Variants in PCDHGB3 observed in about 807,000 individuals in gnomAD.
PCDHGB3 encodes the protein protocadherin gamma-B3.
A neutral mutation model predicts 59.2 loss-of-function variants in PCDHGB3; 40 were observed. The ratio of observed to expected loss-of-function variants is 0.68; its 90% confidence interval spans 0.52 to 0.88. The LOEUF (loss-of-function observed/expected upper bound fraction) is 0.88, where lower values mean the gene tolerates loss of function less well. Ranked by LOEUF, PCDHGB3 falls within the 40% of genes least tolerant of loss-of-function variation. PCDHGB3 has a pLI of 0.00. For missense variants in PCDHGB3, 1,309 were observed against 1,187.9 expected (o/e 1.10, Z -1.50); for synonymous variants, 581 against 503.6 (o/e 1.15, Z -2.06).
In PCDHGB3 at chr5:141,370,468, T is replaced by C; in HGVS notation, c.74T>C (p.Leu25Ser). Reference protein sequence around the residue: ...RMLFLFLLSLLDQALSEPIRY... With the variant: ...RMLFLFLLSLSDQALSEPIRY... ...CTATTTCTCTTCCTGCTCTCTTTGT[T>C]AGACCAGGCTCTCTCCGAACCGATC... Residue 25 changes from leucine to serine, a missense_variant, in exon 1 of 4, where the codon TTA (leucine) becomes TCA (serine). Leu to Ser is a moderately radical substitution (Grantham distance 145). Coordinates refer to ENST00000576222, the MANE Select transcript of PCDHGB3 (RefSeq NM_018924.5). 1 of 1,613,240 alleles carries C rather than the reference T, an allele frequency of 6.2e-7. No individual in the cohort carries two copies.
intron 1 of PCDHGB3, among the ~76,000 whole-genome samples, chr5:141,469,599 A>G (rs2099206392): frequency 6.6e-6 from 1 of 152,192 alleles, no homozygotes; most frequent in Non-Finnish European, 1.5e-5. Flanking sequence ...ATAAAACAAA[A>G]TAAGTAAAAT....
intron 1 of PCDHGB3, among the ~76,000 whole-genome samples, chr5:141,466,554 G>A (rs2099125028): frequency 6.6e-6 from 1 of 152,068 alleles, no homozygotes. Flanking sequence ...TTTGCTGTGG[G>A]CTTCATCTTC....
At chr5:141,424,772 G>A (rs2096839878) in intron 1 of PCDHGB3, 1 of 152,086 alleles carries the variant, frequency 6.6e-6, no homozygotes, top group Non-Finnish European at 1.5e-5. Flanking sequence ...ATGGCAAATA[G>A]TACATTCAGT....
rs2099611311 is a variant in PCDHGB3 at position 141,485,311 on chromosome 5, G to A, written c.2416-9496G>A. 3.1e-6 allele frequency: 5 copies of A among 1,614,174 alleles called. No individual in the cohort carries two copies. The East Asian group carries it at 6.7e-5, about 22-fold the overall frequency. ...AGTCACAGGAAGGGACTTTTGTAGGGAATGTCGCTCAAGATTTCCTGCTGG... is the reference window on the plus strand; with the variant it reads ...AGTCACAGGAAGGGACTTTTGTAGGAAATGTCGCTCAAGATTTCCTGCTGG... On this transcript the variant is annotated intron_variant, in intron 1 of 3. Transcript: ENST00000576222. The surrounding 1 kb of genome is among the most constrained non-coding windows in gnomAD (Gnocchi z 5.7).
chr5:141,462,656 A>G (rs1427673992), intron 1 of PCDHGB3, among the ~76,000 whole-genome samples: 2 of 151,950 alleles, frequency 1.3e-5, no homozygotes, highest in African/African-American at 4.8e-5. Context: ...ATCCTCAATT[A>G]TCTTCATATT....
At chr5:141,402,737 G>C (rs948478466) in intron 1 of PCDHGB3, among the ~76,000 whole-genome samples, 7 of 152,158 alleles carry the variant, frequency 4.6e-5, no homozygotes, top group African/African-American at 1.4e-4. Flanking sequence ...CGCCGCTGTT[G>C]ATCAACTCTA....
At chr5:141,503,396 A>G (rs1025780031) in intron 2 of PCDHGB3, among the ~76,000 whole-genome samples, 2 of 151,944 alleles carry the variant, frequency 1.3e-5, no homozygotes, top group African/African-American at 2.4e-5. Flanking sequence ...GGAGTTCGAA[A>G]CCAACCTGGC....
In PCDHGB3 at chr5:141,398,596, G is replaced by A. The variant is rs201846904; in HGVS notation, c.2415+25787G>A. 1,173 of 1,614,034 alleles carry A rather than the reference G, an allele frequency of 7.3e-4. 1 individual carries two copies. Among genetic ancestry groups the A allele is most frequent in the Non-Finnish European group, 9.3e-4 (1,101 of 1,179,898 alleles). ...TGGCACAAGATTTATACTAGAAGTA[G>A]CAGAAGATGCAGATATTGGCTTAAA... is the stretch of plus-strand genomic sequence containing the variant. On this transcript the variant is annotated intron_variant, in intron 1 of 3. Transcript: ENST00000576222.
chr5:141,495,107 A>G (rs559621284), intron 2 of PCDHGB3, among the ~76,000 whole-genome samples: 1 of 152,166 alleles, frequency 6.6e-6, no homozygotes, highest in East Asian at 1.9e-4. Flanking sequence ...CACGACCGGC[A>G]CCTTTTCCTA....
intron 1 of PCDHGB3, chr5:141,414,230 C>G (rs367888906): frequency 6.2e-7 from 1 of 1,613,190 alleles, no homozygotes; most frequent in Non-Finnish European, 8.5e-7. Flanking sequence ...CCAGAGCTGA[C>G]CATCACGTCT....
Position 141,371,906 on chromosome 5 carries a change from C to G in PCDHGB3, c.1512C>G (p.Tyr504Ter). 6.2e-7 allele frequency: 1 copy of G among 1,613,406 alleles called. No homozygotes were observed. Among genetic ancestry groups the G allele is most frequent in the Non-Finnish European group, 8.5e-7 (1 of 1,179,912 alleles). ...SDLEPRELSS[Y>*]VSVSARSGVV... is the part of the protein sequence containing the mutation. ...TGGAGCCGCGGGAGCTGTCGTCCTA[C>G]GTGTCCGTGAGCGCGCGGAGCGGGG... Residue 504 changes from tyrosine to a stop codon, truncating the protein, a stop_gained, in exon 1 of 4, where the codon TAC becomes TAG. Transcript: ENST00000576222. LOFTEE classifies it high-confidence loss of function.
intron 1 of PCDHGB3, among the ~76,000 whole-genome samples, chr5:141,450,304 T>C (rs759506660): frequency 1.3e-5 from 2 of 151,906 alleles, no homozygotes; most frequent in African/African-American, 2.4e-5. Flanking sequence ...TGAGCCACCA[T>C]GTGTGGCCTA....
chr5:141,502,615 A>G (rs2099815317), intron 2 of PCDHGB3, among the ~76,000 whole-genome samples: 1 of 152,218 alleles, frequency 6.6e-6, no homozygotes, highest in Non-Finnish European at 1.5e-5. Context: ...TTGTGAAAAT[A>G]TAAGTAATCT....
intron 1 of PCDHGB3, among the ~76,000 whole-genome samples, chr5:141,481,556 G>T (rs553126587): frequency 6.6e-6 from 1 of 152,148 alleles, no homozygotes; most frequent in African/African-American, 2.4e-5. Flanking sequence ...AGTGGCTCAC[G>T]CCTGTAATCC....
In PCDHGB3 at chr5:141,490,261, G is replaced by T; in HGVS notation, c.2416-4546G>T. 6.2e-7 allele frequency: 1 copy of T among 1,614,218 alleles called. No individual in the cohort carries two copies. Among genetic ancestry groups the T allele is most frequent in the Non-Finnish European group, 8.5e-7 (1 of 1,180,038 alleles). ...CCACTGTGTGATTCAAGTGGATGTG[G>T]GGGATGTCAATGACAATGCCCCAGA... On this transcript the variant is annotated intron_variant, in intron 1 of 3. Coordinates refer to ENST00000576222, the MANE Select transcript of PCDHGB3 (RefSeq NM_018924.5). The surrounding 1 kb of genome is among the most constrained non-coding windows in gnomAD (Gnocchi z 5.4).
chr5:141,388,412 T>A, intron 1 of PCDHGB3: 1 of 1,613,870 alleles, frequency 6.2e-7, no homozygotes, highest in Non-Finnish European at 8.5e-7. Context: ...GTCCCAGTGA[T>A]CATTTCTCAC....
intron 1 of PCDHGB3, chr5:141,377,921 A>C (rs1249670755): frequency 6.6e-6 from 1 of 152,150 alleles, no homozygotes; most frequent in African/African-American, 2.4e-5. Flanking sequence ...GTAAAAATCC[A>C]CCTGTAACTG....
Position 141,483,648 on chromosome 5 carries a change from T to TTGTG in PCDHGB3, c.2416-11141_2416-11138dup, listed in dbSNP as rs111458813. ...GGAGAAGGTATAGAGGGGTGTGTGTTTGTGTGTGTGTGTGTGTGTGTAAAA... is the reference window on the plus strand; with the variant it reads ...GGAGAAGGTATAGAGGGGTGTGTGTTTGTGTGTGTGTGTGTGTGTGTGTGTAAAA... On this transcript the variant is annotated intron_variant, in intron 1 of 3. Coordinates refer to ENST00000576222, the MANE Select transcript of PCDHGB3 (RefSeq NM_018924.5). Among the ~76,000 whole-genome samples, 501 of 149,686 alleles carry TTGTG rather than the reference T, an allele frequency of 3.3e-3. 2 individuals are homozygous for TTGTG. Among genetic ancestry groups the TTGTG allele is most frequent in the African/African-American group, 7.3e-3 (297 of 40,842 alleles).
intron 1 of PCDHGB3, chr5:141,384,982 G>A: frequency 6.2e-7 from 1 of 1,614,144 alleles, no homozygotes; most frequent in South Asian, 1.1e-5. Context: ...GTACCTGGTG[G>A]TGGCGGTGGC....
Sources: allele counts gnomAD v4.1 joint callset (sites outside exome capture counted in the v4.1 genomes callset), GRCh38; gene constraint gnomAD v4.1.1; non-coding constraint Gnocchi (gnomAD v3.1); transcripts MANE v1.5; gene names NCBI Gene and HGNC (gene_info 2026-07-23, HGNC 2026-07-21).